Variants in FMNL2 observed in about 807,000 individuals in gnomAD.
The protein encoded by FMNL2 is formin-like protein 2.
FMNL2 carries 51 observed loss-of-function variants against 130.2 expected under a neutral mutation model. The ratio of observed to expected loss-of-function variants is 0.39; its 90% CI spans 0.31 to 0.49. The LOEUF (loss-of-function observed/expected upper bound fraction) is 0.49. FMNL2 is among the 20% of genes least tolerant of loss of function. FMNL2 has a pLI of 0.85. For synonymous variants in FMNL2, 465 were observed against 467.1 expected, an observed-to-expected ratio of 1.00 and a Z score of 0.06; for missense variants, 977 against 1,316.2, an observed-to-expected ratio of 0.74 and a Z score of 3.99.
chr2:152,546,553 G>A (rs1011661204), intron 3 of FMNL2, among the ~76,000 whole-genome samples: 5 of 152,104 alleles, frequency 3.3e-5, no homozygotes, highest in Admixed American at 2.6e-4. Flanking sequence ...CTATTTCAAC[G>A]TGGGATTTGG....
At chr2:152,510,590 A>G (rs2105358087) in intron 1 of FMNL2, among the ~76,000 whole-genome samples, 1 of 152,350 alleles carries the variant, frequency 6.6e-6, no homozygotes. Flanking sequence ...TTGACCATAA[A>G]AATACCAGCA....
rs1681777959 is a variant in FMNL2 at position 152,626,262 on chromosome 2, C to T, written c.1963-263C>T. On this transcript the variant is annotated intron_variant, in intron 16 of 25. Coordinates refer to ENST00000288670, the MANE Select transcript of FMNL2 (RefSeq NM_052905.4). ...ATGTTGGCCAGGCTGGTCTCAAACTCCTGACCTTAAGTGATCCACCCGCCT... is the reference window on the plus strand; with the variant it reads ...ATGTTGGCCAGGCTGGTCTCAAACTTCTGACCTTAAGTGATCCACCCGCCT... Among the ~76,000 whole-genome samples the T allele has an allele frequency of 2.6e-5, 4 of 152,094 alleles. No homozygotes were observed. The South Asian group carries it at 8.3e-4, about 31-fold the overall frequency.
At chr2:152,340,715 G>A (rs1681749878) in intron 1 of FMNL2, among the ~76,000 whole-genome samples, 2 of 152,044 alleles carry the variant, frequency 1.3e-5, no homozygotes, top group African/African-American at 4.8e-5. Flanking sequence ...TTTTTGAGAT[G>A]GAGTCTTGCT....
chr2:152,621,441 T>C (rs1699240675), intron 15 of FMNL2, among the ~76,000 whole-genome samples: 2 of 152,212 alleles, frequency 1.3e-5, no homozygotes, highest in African/African-American at 4.8e-5. Context: ...GTGTTGGCTC[T>C]GTCAATTGCC....
intron 1 of FMNL2, among the ~76,000 whole-genome samples, chr2:152,465,946 A>AC (rs1426067386): frequency 6.6e-6 from 1 of 152,216 alleles, no homozygotes. Flanking sequence ...GTTGCTAGAA[A>AC]GGTTGCTAAG....
At chr2:152,433,164 G>A (rs925573020) in intron 1 of FMNL2, among the ~76,000 whole-genome samples, 1 of 152,122 alleles carries the variant, frequency 6.6e-6, no homozygotes, top group African/African-American at 2.4e-5. Context: ...CTTTATTCAA[G>A]GACAGGAGGC....
intron 1 of FMNL2, among the ~76,000 whole-genome samples, chr2:152,346,724 A>T (rs944766790): frequency 6.6e-6 from 1 of 152,162 alleles, no homozygotes; most frequent in African/African-American, 2.4e-5. Flanking sequence ...GGAGAAATTT[A>T]AAAATTCTTT....
chr2:152,495,955 G>A, intron 1 of FMNL2, among the ~76,000 whole-genome samples: 1 of 151,968 alleles, frequency 6.6e-6, no homozygotes, highest in East Asian at 1.9e-4. Context: ...TCTTCTATCA[G>A]CCCATACCTT....
At chr2:152,608,521 G>C (rs1698507723) in intron 10 of FMNL2, among the ~76,000 whole-genome samples, 1 of 148,268 alleles carries the variant, frequency 6.7e-6, no homozygotes, top group African/African-American at 2.5e-5. Context: ...AAGTGTGTGT[G>C]TCTATATATA....
intron 1 of FMNL2, among the ~76,000 whole-genome samples, chr2:152,370,500 A>G (rs1184277270): frequency 6.6e-6 from 1 of 152,204 alleles, no homozygotes; most frequent in East Asian, 1.9e-4. Context: ...TTTTATTACC[A>G]TTAGGAGGAC....
chr2:152,520,191 A>G (rs1019384965), intron 1 of FMNL2, among the ~76,000 whole-genome samples: 14 of 152,350 alleles, frequency 9.2e-5, no homozygotes, highest in African/African-American at 3.4e-4. Flanking sequence ...ATTTTCCCAT[A>G]TTAGATGTTT....
intron 1 of FMNL2, among the ~76,000 whole-genome samples, chr2:152,379,569 G>A (rs1684351040): frequency 1.3e-5 from 2 of 152,058 alleles, no homozygotes; most frequent in South Asian, 4.1e-4. Flanking sequence ...AAATTTGCAA[G>A]TACCTAATGT....
At chr2:152,383,685 T>C (rs1345844907) in intron 1 of FMNL2, among the ~76,000 whole-genome samples, 2 of 152,212 alleles carry the variant, frequency 1.3e-5, no homozygotes, top group African/African-American at 4.8e-5. Context: ...CTTGGTGCTC[T>C]TTGAAAATTA....
At chr2:152,338,834 C>CACACACAT (rs1553862429) in intron 1 of FMNL2, among the ~76,000 whole-genome samples, 6 of 150,198 alleles carry the variant, frequency 4.0e-5, no homozygotes, top group Non-Finnish European at 5.9e-5. Context: ...CACACACACA[C>CACACACAT]ACACACACAC....
intron 1 of FMNL2, among the ~76,000 whole-genome samples, chr2:152,492,343 A>G (rs1691260945): frequency 6.6e-6 from 1 of 152,232 alleles, no homozygotes; most frequent in African/African-American, 2.4e-5. Context: ...TTCGGGGAAG[A>G]TTTTTGTAAG....
intron 1 of FMNL2, among the ~76,000 whole-genome samples, chr2:152,412,443 AT>A (rs1268798867): frequency 1.1e-5 from 1 of 92,072 alleles, no homozygotes; most frequent in Non-Finnish European, 1.9e-5. Flanking sequence ...TCTTCTGTAT[AT>A]TTTATATATA....
chr2:152,595,595 A>G (rs1697719834), intron 9 of FMNL2, among the ~76,000 whole-genome samples: 2 of 152,214 alleles, frequency 1.3e-5, no homozygotes, highest in Admixed American at 6.5e-5. Context: ...CTAAGATTAC[A>G]GGCATGAGCC....
chr2:152,530,068 A>T (rs183297742), intron 2 of FMNL2, among the ~76,000 whole-genome samples: 29 of 152,114 alleles, frequency 1.9e-4, no homozygotes, highest in African/African-American at 6.7e-4. Context: ...CCCCACTCCC[A>T]CCCCACCTTT....
At position 152,630,949 on chromosome 2, in the gene FMNL2, G is replaced by T. The variant is rs149995746; in HGVS notation, c.2550+1044G>T. Among the ~76,000 whole-genome samples, 29 of 152,310 alleles carry T rather than the reference G, an allele frequency of 1.9e-4. 1 individual carries two copies. The East Asian group carries it at 5.6e-3, about 29-fold the overall frequency. On this transcript the variant is annotated intron_variant, in intron 20 of 25. Transcript: ENST00000288670. ...ATCAGTGTCCCCCTTATCCATGGGG[G>T]CTGTGATCCAAGACCCCCAGTGGAT...
Sources: allele counts gnomAD v4.1 joint callset (sites outside exome capture counted in the v4.1 genomes callset), GRCh38; gene constraint gnomAD v4.1.1; transcripts MANE v1.5; gene names NCBI Gene and HGNC (gene_info 2026-07-23, HGNC 2026-07-21).